The following MAP3K5 variants were observed in gnomAD, a reference collection of about 807,000 sequenced individuals.
MAP3K5 encodes the protein ASK-1.
Under a neutral mutation model 158.7 loss-of-function variants are expected in MAP3K5, and 56 were observed. The ratio of observed to expected loss-of-function variants is 0.35; its 90% CI spans 0.28 to 0.44. The LOEUF is 0.44. Among genes scored for constraint, MAP3K5 ranks in the 20% least tolerant of loss-of-function variants. The pLI, the probability that MAP3K5 is intolerant of heterozygous loss-of-function variation, is 1.00. For synonymous variants in MAP3K5, 579 were observed against 601.7 expected (o/e 0.96, Z 0.55); for missense variants, 1,294 against 1,674.8 (o/e 0.77, Z 3.97).
intron 1 of MAP3K5, among the ~76,000 whole-genome samples, chr6:136,755,513 C>T (rs543113590): frequency 1.5e-3 from 228 of 152,018 alleles, no homozygotes; most frequent in Non-Finnish European, 2.7e-3. Flanking sequence ...TCAAGATCAG[C>T]CTGGGCAACA....
intron 17 of MAP3K5, 133 bp downstream of exon 17, chr6:136,612,987 A>G: frequency 1.2e-6 from 1 of 840,844 alleles, no homozygotes; most frequent in Non-Finnish European, 1.8e-6. Context: ...ACGATATTTT[A>G]TATTTCTGCT....
intron 12 of MAP3K5, among the ~76,000 whole-genome samples, chr6:136,641,030 G>A (rs1236582918): frequency 1.3e-5 from 2 of 152,188 alleles, no homozygotes; most frequent in African/African-American, 4.8e-5. Context: ...TTGGAAAACA[G>A]ATATGATAAA....
intron 12 of MAP3K5, among the ~76,000 whole-genome samples, chr6:136,640,832 G>C (rs1358333018): frequency 6.6e-6 from 1 of 152,146 alleles, no homozygotes; most frequent in Non-Finnish European, 1.5e-5. Flanking sequence ...TCCATAGTTT[G>C]TCATCTCTTC....
chr6:136,595,401 C>T (rs953717109), intron 21 of MAP3K5, among the ~76,000 whole-genome samples: 2 of 152,240 alleles, frequency 1.3e-5, no homozygotes, highest in East Asian at 1.9e-4. Flanking sequence ...CCACCGCACC[C>T]GGCCTGCTTG....
At chr6:136,612,562 C>T (rs1303616477) in intron 17 of MAP3K5, among the ~76,000 whole-genome samples, 1 of 151,932 alleles carries the variant, frequency 6.6e-6, no homozygotes, top group East Asian at 1.9e-4. Flanking sequence ...TTCAACAGTC[C>T]AGACTTTGTA....
chr6:136,569,139 C>T (rs184890795), intron 25 of MAP3K5, among the ~76,000 whole-genome samples: 87 of 152,284 alleles, frequency 5.7e-4, no homozygotes, highest in African/African-American at 1.9e-3. Context: ...CAAATTCCAA[C>T]CTGACTCTAG....
intron 1 of MAP3K5, among the ~76,000 whole-genome samples, chr6:136,781,340 A>G (rs1448021508): frequency 6.6e-6 from 1 of 152,256 alleles, no homozygotes; most frequent in Non-Finnish European, 1.5e-5. Flanking sequence ...CAGTTTTCTG[A>G]TTAAGATGTC....
At chr6:136,618,059 T>TA (rs1459193725) in intron 15 of MAP3K5, among the ~76,000 whole-genome samples, 1 of 152,214 alleles carries the variant, frequency 6.6e-6, no homozygotes, top group East Asian at 1.9e-4. Context: ...TCTTCCCTCT[T>TA]ACAACCACTT....
At chr6:136,727,724 G>T (rs4598089) in intron 1 of MAP3K5, among the ~76,000 whole-genome samples, 50,233 of 151,956 alleles carry the variant, frequency 0.33, 10,389 homozygotes, top group East Asian at 0.45. Flanking sequence ...ACTTTGGGAG[G>T]CCAAGGCGGG....
intron 26 of MAP3K5, among the ~76,000 whole-genome samples, chr6:136,565,414 C>T (rs1774053002): frequency 6.6e-6 from 1 of 152,124 alleles, no homozygotes; most frequent in South Asian, 2.1e-4. Flanking sequence ...AATAAACAGG[C>T]AGCTCCTCTT....
intron 25 of MAP3K5, among the ~76,000 whole-genome samples, chr6:136,575,341 T>C (rs1246408592): frequency 6.6e-6 from 1 of 151,804 alleles, no homozygotes; most frequent in East Asian, 1.9e-4. Context: ...TTTGTATTTT[T>C]CATGTAGAGA....
intron 12 of MAP3K5, among the ~76,000 whole-genome samples, chr6:136,641,356 C>G (rs1480174386): frequency 6.6e-6 from 1 of 152,146 alleles, no homozygotes; most frequent in Non-Finnish European, 1.5e-5. Context: ...CATAACCAGG[C>G]TGCAAAAATC....
chr6:136,715,161 T>C (rs1472365308), intron 2 of MAP3K5, among the ~76,000 whole-genome samples: 1 of 152,202 alleles, frequency 6.6e-6, no homozygotes, highest in Non-Finnish European at 1.5e-5. Context: ...GAAACATTAC[T>C]TCTATAATGG....
chr6:136,628,484 C>A (rs892380070), intron 14 of MAP3K5, among the ~76,000 whole-genome samples: 2 of 151,950 alleles, frequency 1.3e-5, no homozygotes, highest in Non-Finnish European at 2.9e-5. Context: ...CTCAAGTGAT[C>A]CTCCCAAATA....
chr6:136,613,722 C>A lies in MAP3K5; in HGVS notation c.2278+437G>T, dbSNP rs1776441337. 6.6e-6 allele frequency among the ~76,000 whole-genome samples: 1 copy of A among 151,724 alleles called. No homozygotes were observed. The highest frequency in any genetic ancestry group is 1.5e-5 in the Non-Finnish European group (1 of 67,920). ...AATGATTGGAGAAGACTGAATGGTG[C>A]CAAAGAAAAGATCCCCCGAGACCAT... On this transcript the variant is annotated intron_variant, in intron 16 of 29. Coordinates refer to ENST00000359015, the MANE Select transcript of MAP3K5 (RefSeq NM_005923.4). The surrounding 1 kb of genome is among the most constrained non-coding windows in gnomAD (Gnocchi z 4.0).
rs1217766810 is a variant in MAP3K5, at chr6:136,742,256, C to A, written c.449-21667G>T. On this transcript the variant is annotated intron_variant, in intron 1 of 29. Transcript: ENST00000359015. ...CTTACTCTAAAGCTCTATAACAAGA[C>A]AGTGTGGTGTAGGTGAAAGACTACA... Among the ~76,000 whole-genome samples the A allele has an allele frequency of 7.9e-5, 12 of 152,082 alleles. 1 individual carries two copies. The South Asian group carries it at 2.5e-3, about 32-fold the overall frequency.
At chr6:136,637,865 G>C (rs1269889385) in intron 13 of MAP3K5, among the ~76,000 whole-genome samples, 1 of 152,082 alleles carries the variant, frequency 6.6e-6, no homozygotes, top group African/African-American at 2.4e-5. Flanking sequence ...GGGAAGAGCA[G>C]GTTATGGTGT....
At position 136,613,753 on chromosome 6, in the gene MAP3K5, C is replaced by A. The variant is rs116157357; in HGVS notation, c.2278+406G>T. 0.012 allele frequency among the ~76,000 whole-genome samples: 1,754 copies of A among 152,166 alleles called. 34 individuals carry two copies. The highest frequency in any genetic ancestry group is 0.041 in the African/African-American group (1,691 of 41,522). ...AAAAGATCCCCCGAGACCATTACCC[C>A]TCCTTATGGAACATTAAAATAATGT... On this transcript the variant is annotated intron_variant, in intron 16 of 29. Coordinates refer to ENST00000359015, the MANE Select transcript of MAP3K5 (RefSeq NM_005923.4). The surrounding 1 kb of genome is among the most constrained non-coding windows in gnomAD (Gnocchi z 4.0).
intron 3 of MAP3K5, 55 bp downstream of exon 3, chr6:136,705,055 G>C (rs1781011640): frequency 3.6e-6 from 3 of 843,546 alleles, no homozygotes; most frequent in Non-Finnish European, 5.5e-6. Context: ...CCAAAGATTA[G>C]TTAATGGAAA....
Sources: allele counts gnomAD v4.1 joint callset (sites outside exome capture counted in the v4.1 genomes callset), GRCh38; gene constraint gnomAD v4.1.1; non-coding constraint Gnocchi (gnomAD v3.1); transcripts MANE v1.5; gene names NCBI Gene and HGNC (gene_info 2026-07-23, HGNC 2026-07-21).